The following ACACA variants were observed in gnomAD, a reference collection of about 807,000 sequenced individuals.
The protein encoded by ACACA is acetyl-CoA carboxylase alpha.
Under a neutral mutation model 296.1 loss-of-function variants are expected in ACACA, and 103 were observed. The ratio of observed to expected loss-of-function variants is 0.35; its 90% CI spans 0.30 to 0.41. The LOEUF is 0.41. ACACA is among the 10% of genes least tolerant of loss of function. The pLI is 1.00. For synonymous variants in ACACA, 953 were observed against 1,038.6 expected, an observed-to-expected ratio of 0.92 and a Z score of 1.58; for missense variants, 1,554 against 2,989.7, an observed-to-expected ratio of 0.52 and a Z score of 11.20.
intron 3 of ACACA, among the ~76,000 whole-genome samples, chr17:37,286,534 G>A (rs2082782358): frequency 6.6e-6 from 1 of 152,148 alleles, no homozygotes. Flanking sequence ...CACCAAACCG[G>A]AAGGCAGAAA....
chr17:37,405,803 C>T (rs576778753), intron 1 of ACACA, among the ~76,000 whole-genome samples: 1 of 147,996 alleles, frequency 6.8e-6, no homozygotes, highest in African/African-American at 2.5e-5. Flanking sequence ...CCGCCCGCCT[C>T]GGCCTGCCAA....
intron 2 of ACACA, among the ~76,000 whole-genome samples, chr17:37,333,746 C>A (rs1224470531): frequency 4.0e-5 from 6 of 150,072 alleles, no homozygotes; most frequent in African/African-American, 1.5e-4. Flanking sequence ...AAGAAATAAT[C>A]CCCTGCCTTA....
intron 10 of ACACA, among the ~76,000 whole-genome samples, chr17:37,268,717 C>A (rs994121215): frequency 3.6e-4 from 39 of 108,604 alleles, no homozygotes; most frequent in Non-Finnish European, 6.5e-4. Context: ...ATATCTATAT[C>A]TATCTATCTA....
chr17:37,297,727 T>C (rs1220553110), intron 3 of ACACA, among the ~76,000 whole-genome samples: 1 of 151,868 alleles, frequency 6.6e-6, no homozygotes, highest in Non-Finnish European at 1.5e-5. Flanking sequence ...ATTTTTGTAT[T>C]TTTAGTAGAG....
intron 1 of ACACA, among the ~76,000 whole-genome samples, chr17:37,341,590 T>C (rs1453952392): frequency 6.6e-6 from 1 of 150,966 alleles, no homozygotes; most frequent in African/African-American, 2.4e-5. Context: ...CTCAGGAGGC[T>C]GAGGCAGGAG....
In ACACA at chr17:37,240,473, T is replaced by C; in HGVS notation, c.3121+3A>G. On this transcript the variant is annotated splice_donor_region_variant and intron_variant, in intron 24 of 55. Coordinates refer to ENST00000616317, the MANE Select transcript of ACACA (RefSeq NM_198834.3). ...GCTAGAGAGTCCTCAGGAAGAGGCT[T>C]ACCATTCTGGAATTGTGTCTCTACT... is the stretch of plus-strand genomic sequence containing the variant. 6.2e-7 allele frequency: 1 copy of C among 1,613,362 alleles called. No homozygotes were observed. The highest frequency in any genetic ancestry group is 1.7e-5 in the Admixed American group (1 of 59,978).
chr17:37,134,501 T>C (rs758249881), intron 45 of ACACA, among the ~76,000 whole-genome samples: 15 of 152,224 alleles, frequency 9.9e-5, no homozygotes, highest in Admixed American at 2.0e-4. Context: ...ATTGCCTTTG[T>C]CCTGACATAC....
intron 12 of ACACA, 102 bp from the exon 13 acceptor site, chr17:37,258,475 C>T (rs2081312613): frequency 9.0e-7 from 1 of 1,106,064 alleles, no homozygotes; most frequent in South Asian, 1.3e-5. Flanking sequence ...GGAGCCACTC[C>T]CTAAAACATT....
chr17:37,209,276 G>A (rs1369690743), intron 30 of ACACA, among the ~76,000 whole-genome samples: 1 of 152,098 alleles, frequency 6.6e-6, no homozygotes, highest in Non-Finnish European at 1.5e-5. Context: ...CTCTTTTCTA[G>A]GATCACCAAA....
In ACACA at chr17:37,247,973, C is replaced by G; in HGVS notation, c.2309+38G>C. 3 of 1,612,768 alleles carry G rather than the reference C, an allele frequency of 1.9e-6. No individual in the cohort carries two copies. The South Asian group carries it at 3.3e-5, about 18-fold the overall frequency. On this transcript the variant is annotated intron_variant, in intron 18 of 55. Transcript: ENST00000616317. ...AGTAGCTAATAAGAGAAAAGGCTAA[C>G]AGGATGACCAGCAAATGGACCTCAA...
At chr17:37,243,229 G>T (rs2080508898) in intron 22 of ACACA, 142 bp downstream of exon 22, 4 of 835,538 alleles carry the variant, frequency 4.8e-6, no homozygotes, top group Non-Finnish European at 7.8e-6. Context: ...GTACCCTGAG[G>T]CAGTTTTGTG....
At chr17:37,223,636 C>A (rs746128428) in intron 27 of ACACA, 35 bp from the exon 28 acceptor site, 1 of 1,446,310 alleles carries the variant, frequency 6.9e-7, no homozygotes, top group Non-Finnish European at 9.7e-7. Flanking sequence ...AGCCTTACAT[C>A]AAAAGGAGAA....
intron 42 of ACACA, among the ~76,000 whole-genome samples, chr17:37,156,037 TTTTCTTTC>T (rs2076228994): frequency 6.6e-6 from 1 of 150,804 alleles, no homozygotes; most frequent in African/African-American, 2.4e-5. Context: ...CTTCATTTCA[TTTTCTTTC>T]TTTCTTTCTT....
At chr17:37,137,382 T>A (rs965800517) in intron 45 of ACACA, among the ~76,000 whole-genome samples, 2 of 152,178 alleles carry the variant, frequency 1.3e-5, no homozygotes, top group African/African-American at 4.8e-5. Context: ...TTGTGTTTTC[T>A]CATTGACGTC....
At chr17:37,210,389 G>GT (rs913952824) in intron 30 of ACACA, 78 bp downstream of exon 30, 34,642 of 1,065,330 alleles carry the variant, frequency 0.033, no homozygotes, top group Non-Finnish European at 0.036. Flanking sequence ...AAGTGTTGTG[G>GT]TTTTTTTTTT....
intron 1 of ACACA, among the ~76,000 whole-genome samples, chr17:37,357,756 G>T (rs996815445): frequency 6.6e-6 from 1 of 152,092 alleles, no homozygotes. Flanking sequence ...TGCTCTATTA[G>T]GCCACAATGC....
At position 37,161,804 on chromosome 17, in the gene ACACA, C is replaced by T; in HGVS notation, c.5326G>A (p.Val1776Ile). Residue 1776 changes from valine (V) to isoleucine (I), a missense_variant, in exon 42 of 56, where the codon GTA (valine) becomes ATA (isoleucine). Around this residue, in one of 16 missense-constraint regions of ACACA, gnomAD observed 553 missense variants for 1,043.6 expected, o/e 0.53. Coordinates refer to ENST00000616317, the MANE Select transcript of ACACA (RefSeq NM_198834.3). ...EIRHMFHVAW[V>I]DPEDPYKGYR... is the part of the protein sequence containing the mutation. ...ACCTTGTAAGGATCCTCAGGATCTACCCAGGCCACATGAAACATATGGCGA... is the reference window on the plus strand; with the variant it reads ...ACCTTGTAAGGATCCTCAGGATCTATCCAGGCCACATGAAACATATGGCGA... 1 of 1,612,740 alleles carries T rather than the reference C, an allele frequency of 6.2e-7. No individual in the cohort carries two copies. The highest frequency in any genetic ancestry group is 8.5e-7 in the Non-Finnish European group (1 of 1,179,982).
At position 37,240,575 on chromosome 17, in the gene ACACA, A is replaced by G; in HGVS notation, c.3033-11T>C. 1.9e-6 allele frequency: 3 copies of G among 1,609,228 alleles called. No individual in the cohort carries two copies. The highest frequency in any genetic ancestry group is 8.5e-7 in the Non-Finnish European group (1 of 1,178,792). The stretch of plus-strand genomic sequence containing the variant: ...ATGCCACTTCGGTACCTAGGCAAAT[A>G]GAAAGTCTCCACTGAAAAACCTGAC... On this transcript the variant is annotated splice_polypyrimidine_tract_variant and intron_variant, in intron 23 of 55. Transcript: ENST00000616317.
chr17:37,190,370 C>T (rs2077703001), intron 38 of ACACA, among the ~76,000 whole-genome samples: 1 of 151,284 alleles, frequency 6.6e-6, no homozygotes, highest in Non-Finnish European at 1.5e-5. Flanking sequence ...GTGGAGGTTG[C>T]AATGAGCTGA....
Sources: allele counts gnomAD v4.1 joint callset (sites outside exome capture counted in the v4.1 genomes callset), GRCh38; gene constraint gnomAD v4.1.1; regional missense constraint gnomAD v4.1.1; transcripts MANE v1.5; gene names NCBI Gene and HGNC (gene_info 2026-07-23, HGNC 2026-07-21).